SLC39A8: variants seen among roughly 807,000 people sequenced by gnomAD.
SLC39A8 encodes solute carrier family 39 member 8.
Under a neutral mutation model 40.4 loss-of-function variants are expected in SLC39A8, and 15 were observed. The ratio of observed to expected loss-of-function variants is 0.37; its 90% confidence interval spans 0.25 to 0.57. SLC39A8 has a LOEUF of 0.57. SLC39A8 is among the 20% of genes least tolerant of loss of function. SLC39A8 has a pLI of 0.75. For synonymous variants in SLC39A8, 223 were observed against 221.6 expected (o/e 1.01, Z -0.06); for missense variants, 472 against 558.8 (o/e 0.84, Z 1.57).
At chr4:102,296,009 T>C (rs1245381759) in intron 6 of SLC39A8, among the ~76,000 whole-genome samples, 1 of 152,128 alleles carries the variant, frequency 6.6e-6, no homozygotes, top group Non-Finnish European at 1.5e-5. Flanking sequence ...AATCGTCATT[T>C]GAATAGCAAA....
chr4:102,285,841 C>T (rs1211076366), intron 6 of SLC39A8, among the ~76,000 whole-genome samples: 2 of 152,008 alleles, frequency 1.3e-5, no homozygotes, highest in Non-Finnish European at 2.9e-5. Context: ...GTAAATTCTG[C>T]CTCTGCAAGT....
At chr4:102,282,486 T>C (rs937647445) in intron 6 of SLC39A8, among the ~76,000 whole-genome samples, 1 of 152,206 alleles carries the variant, frequency 6.6e-6, no homozygotes, top group Non-Finnish European at 1.5e-5. Context: ...GTTGTTTGTT[T>C]GCCAATTCTT....
At chr4:102,312,407 T>C (rs1325788503) in intron 3 of SLC39A8, among the ~76,000 whole-genome samples, 1 of 152,108 alleles carries the variant, frequency 6.6e-6, no homozygotes, top group Non-Finnish European at 1.5e-5. Flanking sequence ...ACTTTTCCAT[T>C]TTATGACTTT....
chr4:102,293,230 C>T (rs1020048713), intron 6 of SLC39A8, among the ~76,000 whole-genome samples: 1 of 151,720 alleles, frequency 6.6e-6, no homozygotes, highest in African/African-American at 2.4e-5. Flanking sequence ...AAATTCAACA[C>T]TGAGAAAAAT....
intron 6 of SLC39A8, among the ~76,000 whole-genome samples, chr4:102,294,263 C>G (rs1368557089): frequency 2.0e-5 from 3 of 151,990 alleles, no homozygotes; most frequent in African/African-American, 7.2e-5. Context: ...CCTCTGAGGT[C>G]TCTTCTCAAC....
chr4:102,344,426 C>G lies in SLC39A8; in HGVS notation c.219+18G>C, dbSNP rs759611008. 1.4e-5 allele frequency: 21 copies of G among 1,501,580 alleles called. No individual in the cohort carries two copies. The highest frequency in any genetic ancestry group is 6.5e-5 in the South Asian group (5 of 77,246). 93.0% of individuals were successfully genotyped at this position (1,501,580 alleles called of 1,614,324 possible). On this transcript the variant is annotated intron_variant, in intron 2 of 8. Coordinates refer to ENST00000356736, the MANE Select transcript of SLC39A8 (RefSeq NM_001135146.2). ...GACACCCACAGTACGGAGGGCTGCCCGGACCTGGCGGCCTTACCTGGTTGA... is the reference window on the plus strand; with the variant it reads ...GACACCCACAGTACGGAGGGCTGCCGGGACCTGGCGGCCTTACCTGGTTGA...
Position 102,311,746 on chromosome 4 carries a change from G to A in SLC39A8, c.382+3922C>T, listed in dbSNP as rs117656524. On this transcript the variant is annotated intron_variant, in intron 3 of 8. Transcript: ENST00000356736. The stretch of plus-strand genomic sequence containing the variant: ...AAATACTTTCAAAAATAAAATGTGA[G>A]GCCTCTGAGAAATTTTACTGTCTAC... Among the ~76,000 whole-genome samples the A allele has an allele frequency of 1.2e-4, 18 of 151,972 alleles. No homozygotes were observed. In the East Asian group the frequency reaches 3.5e-3, roughly 29 times the overall value.
In SLC39A8 at chr4:102,262,323, A is replaced by C. The variant is rs757617046; in HGVS notation, c.*721T>G. 1 of 985,496 alleles carries C rather than the reference A, an allele frequency of 1.0e-6. No individual in the cohort carries two copies. Among genetic ancestry groups the C allele is most frequent in the Admixed American group, 6.1e-5 (1 of 16,264 alleles). The allele number at this position is 985,496 out of a possible 1,614,324, so 61.0% of individuals were successfully genotyped here. A position where few individuals can be genotyped will look rare whatever the true frequency, so the allele number is the denominator to read the frequency against. ...CATTTGTGAGGGGTGCAACCACAAC[A>C]TAAGTCAGAAAAAAAGCTATCCAGC... On this transcript the variant is annotated 3_prime_UTR_variant, in exon 9 of 9. Transcript: ENST00000356736.
intron 6 of SLC39A8, among the ~76,000 whole-genome samples, chr4:102,296,973 G>A (rs1033960529): frequency 2.0e-5 from 3 of 152,094 alleles, no homozygotes; most frequent in Non-Finnish European, 4.4e-5. Context: ...TGTGGCCCAC[G>A]CCTGTAGTCC....
chr4:102,257,400 A>G (rs1342404153), downstream of SLC39A8, among the ~76,000 whole-genome samples: 1 of 152,178 alleles, frequency 6.6e-6, no homozygotes, highest in Non-Finnish European at 1.5e-5. Flanking sequence ...CCAGCTATTG[A>G]TAAATTGGAA....
At chr4:102,255,882 A>T (rs1731697908) in intron 11 of SLC39A8, among the ~76,000 whole-genome samples, 1 of 152,178 alleles carries the variant, frequency 6.6e-6, no homozygotes, top group African/African-American at 2.4e-5. Flanking sequence ...GAACTTTTTC[A>T]TCTTAAAACA....
chr4:102,304,023 G>T (rs1316705319), intron 6 of SLC39A8, among the ~76,000 whole-genome samples: 6 of 151,792 alleles, frequency 4.0e-5, no homozygotes, highest in Non-Finnish European at 8.8e-5. Flanking sequence ...AATAAATTTT[G>T]CTATATAATA....
At chr4:102,282,696 T>G (rs2119213) in intron 6 of SLC39A8, among the ~76,000 whole-genome samples, 1 of 151,932 alleles carries the variant, frequency 6.6e-6, no homozygotes, top group Admixed American at 6.6e-5. Context: ...GGCTTCCTCC[T>G]CTATTCTAGT....
Position 102,262,751 on chromosome 4 carries a change from G to T in SLC39A8, c.*293C>A. ...CTGAGTGTCTACATGATTATAGAAT[G>T]CATGTCTCTTGCTTCATGGTGATAT... On this transcript the variant is annotated 3_prime_UTR_variant, in exon 9 of 9. Coordinates refer to ENST00000356736, the MANE Select transcript of SLC39A8 (RefSeq NM_001135146.2). The T allele has an allele frequency of 9.2e-7, 1 of 1,082,924 alleles. No individual in the cohort carries two copies. Among genetic ancestry groups the T allele is most frequent in the Non-Finnish European group, 1.1e-6 (1 of 891,456 alleles). 67.1% of individuals were successfully genotyped at this position (1,082,924 alleles called of 1,614,324 possible).
chr4:102,308,311 T>C (rs1008821025), intron 3 of SLC39A8, among the ~76,000 whole-genome samples: 1 of 152,032 alleles, frequency 6.6e-6, no homozygotes, highest in Non-Finnish European at 1.5e-5. Flanking sequence ...GGCAAAAATA[T>C]TCCATACAGA....
At chr4:102,257,671 T>G (rs929492555), downstream of SLC39A8, among the ~76,000 whole-genome samples, 28 of 152,320 alleles carry the variant, frequency 1.8e-4, no homozygotes, top group African/African-American at 6.7e-4. Flanking sequence ...ATCCCCATCC[T>G]GTACAGTTGA....
chr4:102,260,559 T>C (rs940477202), downstream of SLC39A8, among the ~76,000 whole-genome samples: 3 of 152,156 alleles, frequency 2.0e-5, no homozygotes, highest in Non-Finnish European at 4.4e-5. Context: ...ATCTTGAAGG[T>C]GGGAGTCACA....
chr4:102,335,673 A>T (rs1177078985), intron 2 of SLC39A8, among the ~76,000 whole-genome samples: 1 of 152,164 alleles, frequency 6.6e-6, no homozygotes, highest in Non-Finnish European at 1.5e-5. Flanking sequence ...GGGAGGTAAT[A>T]ATTTCAATGC....
At chr4:102,266,032 A>G (rs997916569) in intron 8 of SLC39A8, among the ~76,000 whole-genome samples, 3 of 152,186 alleles carry the variant, frequency 2.0e-5, no homozygotes, top group Admixed American at 2.0e-4. Flanking sequence ...TTTATTCTAG[A>G]TTCCTTTATT....
Sources: gnomAD v4.1 joint callset for allele counts (sites outside exome capture counted in the v4.1 genomes callset) on GRCh38, gnomAD v4.1.1 for gene constraint, MANE v1.5 for transcripts, NCBI Gene and HGNC (gene_info 2026-07-23, HGNC 2026-07-21) for gene names.